Variants in CLTC observed in about 807,000 individuals in gnomAD.
The protein encoded by CLTC is clathrin heavy chain 1.
Under a neutral mutation model 195.8 loss-of-function variants are expected in CLTC, and 16 were observed. The observed-to-expected ratio is 0.08, with a 90% confidence interval of 0.06 to 0.12. The LOEUF (loss-of-function observed/expected upper bound fraction) is 0.12. CLTC is among the 10% of genes least tolerant of loss of function. The pLI is 1.00. For synonymous variants in CLTC, 667 were observed against 689.4 expected (o/e 0.97, Z 0.51); for missense variants, 796 against 2,027.0 (o/e 0.39, Z 11.66).
At chr17:59,663,582 A>T (rs1018938276) in intron 8 of CLTC, among the ~76,000 whole-genome samples, 1 of 152,188 alleles carries the variant, frequency 6.6e-6, no homozygotes, top group Non-Finnish European at 1.5e-5. Flanking sequence ...AATCCTTAAC[A>T]AGGTAGTTGA....
chr17:59,678,852 A>G (rs1308218806), intron 17 of CLTC, among the ~76,000 whole-genome samples: 1 of 668 alleles, frequency 1.5e-3, no homozygotes. Context: ...AAATTACATG[A>G]TTAGCTGGGG....
At chr17:59,664,650 C>T in intron 9 of CLTC, 137 bp from the exon 10 acceptor site, 3 of 795,138 alleles carry the variant, frequency 3.8e-6, no homozygotes, top group Non-Finnish European at 5.6e-6. Flanking sequence ...CAAGGTCTAA[C>T]TGGGCACCTT....
At chr17:59,643,175 T>G (rs936848784) in intron 1 of CLTC, among the ~76,000 whole-genome samples, 3 of 137,442 alleles carry the variant, frequency 2.2e-5, no homozygotes, top group Non-Finnish European at 4.6e-5. Flanking sequence ...GTGTATTTTG[T>G]ACCATGCGAA....
At chr17:59,642,799 A>G (rs1276874260) in intron 1 of CLTC, among the ~76,000 whole-genome samples, 5 of 152,204 alleles carry the variant, frequency 3.3e-5, no homozygotes, top group African/African-American at 1.2e-4. Flanking sequence ...CCCTATATTC[A>G]GTGACTGAGT....
In CLTC at chr17:59,673,651, C is replaced by A; in HGVS notation, c.2297C>A (p.Ala766Glu). The change falls in exon 15 of 32, where the codon GCA becomes GAA. Residue 766 changes from alanine (A) to glutamate (E), a missense_variant. Coordinates refer to ENST00000269122, the MANE Select transcript of CLTC (RefSeq NM_004859.4). ...TTTTGTTTGTCTTTTTTTCAGGAAG[C>A]AAAACTAACAGATCAGCTACCACTT... ...PERVKNFLKE[A>E]KLTDQLPLII... 6.2e-7 allele frequency: 1 copy of A among 1,608,120 alleles called. No individual in the cohort carries two copies.
At chr17:59,643,132 GGTGTGTGTGT>G (rs59380117) in intron 1 of CLTC, among the ~76,000 whole-genome samples, 3 of 142,234 alleles carry the variant, frequency 2.1e-5, no homozygotes, top group Non-Finnish European at 3.0e-5. Flanking sequence ...TCTTTTCTGG[GGTGTGTGTGT>G]GTGTGTGTGT....
chr17:59,622,634 A>G (rs1029228539), intron 1 of CLTC, among the ~76,000 whole-genome samples: 3 of 152,156 alleles, frequency 2.0e-5, no homozygotes, highest in African/African-American at 4.8e-5. Context: ...TTGACCTCCC[A>G]AAGTGCTGGG....
intron 1 of CLTC, among the ~76,000 whole-genome samples, chr17:59,641,276 TGAGG>T (rs2032023916): frequency 6.6e-6 from 1 of 151,954 alleles, no homozygotes; most frequent in Admixed American, 6.6e-5. Flanking sequence ...TAGTAGAGGC[TGAGG>T]GAGAGAGGAA....
intron 1 of CLTC, among the ~76,000 whole-genome samples, chr17:59,632,706 A>G (rs564044461): frequency 1.3e-5 from 2 of 152,164 alleles, no homozygotes; most frequent in East Asian, 3.9e-4. Context: ...CCTGACCAAA[A>G]AAATCAAAGT....
chr17:59,670,603 T>C (rs1171299577), intron 14 of CLTC, among the ~76,000 whole-genome samples: 2 of 152,168 alleles, frequency 1.3e-5, no homozygotes, highest in African/African-American at 4.8e-5. Context: ...TTTGTTTTTA[T>C]TGAGCCCTCA....
Position 59,682,149 on chromosome 17 carries a change from G to A in CLTC, c.3443-122G>A. On this transcript the variant is annotated intron_variant, in intron 21 of 31. Coordinates refer to ENST00000269122, the MANE Select transcript of CLTC (RefSeq NM_004859.4). This position sits in a 1 kb window ranked among gnomAD's most constrained non-coding sequence, Gnocchi z 6.8. ...TAATACAGAAGTGAAATATTGCACG[G>A]TTTACATTTGTCATTATCCATGTTT... 3 of 925,234 alleles carry A rather than the reference G, an allele frequency of 3.2e-6. No individual in the cohort carries two copies. Among genetic ancestry groups the A allele is most frequent in the South Asian group, 1.7e-5 (1 of 58,618 alleles). 57.3% of individuals were successfully genotyped at this position (925,234 alleles called of 1,614,324 possible).
chr17:59,655,406 C>G (rs2032440576), intron 5 of CLTC, among the ~76,000 whole-genome samples: 1 of 152,074 alleles, frequency 6.6e-6, no homozygotes, highest in South Asian at 2.1e-4. Context: ...GGCCACAGAT[C>G]AACATGACAG....
chr17:59,656,050 G>C, intron 6 of CLTC, 23 bp downstream of exon 6: 2 of 1,591,966 alleles, frequency 1.3e-6, no homozygotes, highest in Middle Eastern at 3.3e-4. Context: ...TGAAACTTAA[G>C]CAATAAAATA....
At position 59,677,013 on chromosome 17, in the gene CLTC, C is replaced by G; in HGVS notation, c.2621C>G (p.Ala874Gly). Residue 874 changes from alanine (A) to glycine (G), a missense_variant, in exon 17 of 32, where the codon GCT (alanine) becomes GGT (glycine). This residue lies in a region of CLTC where 160 missense variants were observed against 448.2 expected (regional missense o/e 0.36). Coordinates refer to ENST00000269122, the MANE Select transcript of CLTC (RefSeq NM_004859.4). ...ATTCATGAGGGCTGTGAGGAGCCTG[C>G]TACTCACAATGCCTTAGCCAAAATC... ...ARIHEGCEEP[A>G]THNALAKIYI... The G allele has an allele frequency of 6.2e-7, 1 of 1,614,114 alleles. No individual in the cohort carries two copies. Among genetic ancestry groups the G allele is most frequent in the Non-Finnish European group, 8.5e-7 (1 of 1,180,006 alleles).
At chr17:59,637,173 T>C (rs1303119701) in intron 1 of CLTC, among the ~76,000 whole-genome samples, 1 of 152,062 alleles carries the variant, frequency 6.6e-6, no homozygotes, top group African/African-American at 2.4e-5. Context: ...ATTTTCCTCA[T>C]TGTCCCTAAA....
Position 59,683,591 on chromosome 17 carries a change from G to A in CLTC, c.4192-34G>A. 1 of 1,613,526 alleles carries A rather than the reference G, an allele frequency of 6.2e-7. No individual in the cohort carries two copies. Among genetic ancestry groups the A allele is most frequent in the Non-Finnish European group, 8.5e-7 (1 of 1,179,572 alleles). On this transcript the variant is annotated intron_variant, in intron 26 of 31. Transcript: ENST00000269122. This position sits in a 1 kb window ranked among gnomAD's most constrained non-coding sequence, Gnocchi z 6.1. ...TCAGAAGGAGAAAGCTCATTAGGAAGTAACTGACTTATGTATGGATTTTCC... is the reference window on the plus strand; with the variant it reads ...TCAGAAGGAGAAAGCTCATTAGGAAATAACTGACTTATGTATGGATTTTCC...
At chr17:59,664,630 A>G in intron 9 of CLTC, 157 bp from the exon 10 acceptor site, 1 of 571,908 alleles carries the variant, frequency 1.7e-6, no homozygotes, top group Non-Finnish European at 2.8e-6. Context: ...TTGTTCAAAT[A>G]TGTCATCACC....
rs2032734921 is a variant in CLTC, at chr17:59,666,446, G to A, written c.1783-34G>A. The A allele has an allele frequency of 6.2e-7, 1 of 1,604,028 alleles. No individual in the cohort carries two copies. The highest frequency in any genetic ancestry group is 2.2e-5 in the East Asian group (1 of 44,738). On this transcript the variant is annotated intron_variant, in intron 11 of 31. Coordinates refer to ENST00000269122, the MANE Select transcript of CLTC (RefSeq NM_004859.4). The surrounding 1 kb of genome is among the most constrained non-coding windows in gnomAD (Gnocchi z 4.9). ...ATTGAATTACTCATGTAAGTGGAGT[G>A]GACAATAAACTTGCCTTGTTTGTGG... is the stretch of plus-strand genomic sequence containing the variant.
chr17:59,671,566 C>T (rs887116372), intron 14 of CLTC, among the ~76,000 whole-genome samples: 29 of 152,150 alleles, frequency 1.9e-4, no homozygotes, highest in Admixed American at 1.3e-4. Context: ...GTGTCATTAG[C>T]ATCATTTGAC....
Sources: allele counts gnomAD v4.1 joint callset (sites outside exome capture counted in the v4.1 genomes callset), GRCh38; gene constraint gnomAD v4.1.1; regional missense constraint gnomAD v4.1.1; non-coding constraint Gnocchi (gnomAD v3.1); transcripts MANE v1.5; gene names NCBI Gene and HGNC (gene_info 2026-07-23, HGNC 2026-07-21).